The following CCDC38 variants were observed in gnomAD, a reference collection of about 807,000 sequenced individuals.
CCDC38 encodes coiled-coil domain-containing protein 38.
A neutral mutation model predicts 72.8 loss-of-function variants in CCDC38; 69 were observed. The ratio of observed to expected loss-of-function variants is 0.95; its 90% confidence interval spans 0.78 to 1.16. The LOEUF is 1.16. Among genes scored for constraint, CCDC38 ranks in the 50% most tolerant of loss-of-function variants. The pLI is 0.00. For missense variants in CCDC38, 626 were observed against 638.9 expected (o/e 0.98, Z 0.22); for synonymous variants, 201 against 213.2 (o/e 0.94, Z 0.50).
intron 13 of CCDC38, among the ~76,000 whole-genome samples, chr12:95,877,432 G>C (rs963541477): frequency 2.0e-5 from 3 of 152,130 alleles, no homozygotes; most frequent in Admixed American, 6.6e-5. Context: ...CAGTTCATCT[G>C]CATCTCGTTA....
At chr12:95,930,252 G>T (rs1455501927) in intron 2 of CCDC38, among the ~76,000 whole-genome samples, 1 of 152,132 alleles carries the variant, frequency 6.6e-6, no homozygotes, top group Non-Finnish European at 1.5e-5. Flanking sequence ...TAGGACTAGG[G>T]CTGCTGTAGC....
At chr12:95,888,972 T>C (rs76979553) in intron 9 of CCDC38, 114 of 171,964 alleles carry the variant, frequency 6.6e-4, no homozygotes, top group Non-Finnish European at 1.3e-3. Context: ...GGAAAAAAAA[T>C]GGATGAAGAA....
At chr12:95,938,711 G>A (rs371692142) in intron 1 of CCDC38, among the ~76,000 whole-genome samples, 128 of 152,336 alleles carry the variant, frequency 8.4e-4, no homozygotes, top group African/African-American at 2.3e-3. Context: ...GAGAGGAACA[G>A]AACCAGTTAT....
intron 4 of CCDC38, among the ~76,000 whole-genome samples, chr12:95,914,636 G>A (rs777374496): frequency 4.6e-5 from 7 of 152,028 alleles, no homozygotes; most frequent in African/African-American, 9.7e-5. Context: ...CCTTAGTGTC[G>A]TTTTACACAC....
rs879617928 is a variant in CCDC38 at position 95,917,217 on chromosome 12, C to T, written c.216G>A (p.Leu72=). The change falls in exon 4 of 16, where the codon CTG becomes CTA. Residue 72 remains leucine, a synonymous_variant. Transcript: ENST00000344280. ...TTTTAGGGTAGAAAGCTAGTTGGCT[C>T]AGGTATGAATGACTCTTCATTCTGG... The part of the protein sequence containing the change: ...FSSRMKSHSY[L]SQLAFYPKRS... 6.2e-7 allele frequency: 1 copy of T among 1,610,414 alleles called. No individual in the cohort carries two copies. The highest frequency in any genetic ancestry group is 8.5e-7 in the Non-Finnish European group (1 of 1,179,310).
chr12:95,931,102 C>T (rs187170045), intron 2 of CCDC38, among the ~76,000 whole-genome samples: 13 of 152,240 alleles, frequency 8.5e-5, no homozygotes, highest in Non-Finnish European at 1.2e-4. Context: ...TTCTGGAGGC[C>T]AGAAGTCTGA....
chr12:95,939,132 G>A (rs960127102), intron 1 of CCDC38, among the ~76,000 whole-genome samples: 15 of 152,178 alleles, frequency 9.9e-5, no homozygotes, highest in Non-Finnish European at 1.9e-4. Flanking sequence ...AAGTTACCAC[G>A]TCCAGCCTTT....
At chr12:95,895,984 A>G (rs1054298015) in intron 7 of CCDC38, among the ~76,000 whole-genome samples, 1 of 140,220 alleles carries the variant, frequency 7.1e-6, no homozygotes, top group Non-Finnish European at 1.5e-5. Context: ...TGAACCTGGG[A>G]GGTAGAGGTT....
chr12:95,920,854 G>C (rs539401041), intron 2 of CCDC38, among the ~76,000 whole-genome samples: 1 of 152,112 alleles, frequency 6.6e-6, no homozygotes, highest in South Asian at 2.1e-4. Context: ...AGAGGGCCGG[G>C]CGCAGTGGTC....
rs1250982343 is a variant in CCDC38 at position 95,890,947 on chromosome 12, A to G, written c.773-17T>C. The G allele has an allele frequency of 5.0e-6, 7 of 1,393,020 alleles. No individual in the cohort carries two copies. Among genetic ancestry groups the G allele is most frequent in the Admixed American group, 3.4e-5 (2 of 58,876 alleles). The allele number at this position is 1,393,020 out of a possible 1,614,324, so 86.3% of individuals were successfully genotyped here. A position where few individuals can be genotyped will look rare whatever the true frequency, so the allele number is the denominator to read the frequency against. On this transcript the variant is annotated splice_polypyrimidine_tract_variant and intron_variant, in intron 8 of 15. Coordinates refer to ENST00000344280, the MANE Select transcript of CCDC38 (RefSeq NM_182496.3). ...ATGATAATTCTAGAAATGGCAAATG[A>G]AGAGGAGAGAGACAGAGAAAGATGG...
chr12:95,940,476 C>A (rs544251196), intron 1 of CCDC38, among the ~76,000 whole-genome samples: 1 of 152,128 alleles, frequency 6.6e-6, no homozygotes, highest in Non-Finnish European at 1.5e-5. Context: ...CCAATGAAAA[C>A]GAATTTCCAG....
chr12:95,929,291 G>C (rs911108631), intron 2 of CCDC38, among the ~76,000 whole-genome samples: 4 of 152,170 alleles, frequency 2.6e-5, no homozygotes, highest in African/African-American at 7.2e-5. Context: ...GGGTGGGAGT[G>C]ACCCGATTTT....
At chr12:95,931,965 C>T (rs1171078809) in intron 2 of CCDC38, among the ~76,000 whole-genome samples, 2 of 152,026 alleles carry the variant, frequency 1.3e-5, no homozygotes, top group South Asian at 2.1e-4. Flanking sequence ...GCAGGATCAT[C>T]TCTTGTGTGT....
intron 5 of CCDC38, among the ~76,000 whole-genome samples, chr12:95,901,804 A>T (rs959815633): frequency 6.6e-6 from 1 of 152,240 alleles, no homozygotes; most frequent in African/African-American, 2.4e-5. Flanking sequence ...TTGGTGAATG[A>T]TAAGGACAAA....
intron 4 of CCDC38, among the ~76,000 whole-genome samples, chr12:95,908,336 CCTGCAATCGCAGGCACTCGGCAGG>C (rs1354248702): frequency 6.7e-6 from 1 of 149,466 alleles, no homozygotes; most frequent in Non-Finnish European, 1.5e-5. Flanking sequence ...GCGGCGCGCG[CCTGCAATCGCAGGCACTCGGCAGG>C]CTGAGGCAGG....
chr12:95,928,245 T>C lies in CCDC38; in HGVS notation c.37+8228A>G, dbSNP rs2080295115. ...TGGAGGCTTTGCTCGTTTCTTTTTGTTCTTTTTTCTCTAAACCTCCCTTCT... is the reference window on the plus strand; with the variant it reads ...TGGAGGCTTTGCTCGTTTCTTTTTGCTCTTTTTTCTCTAAACCTCCCTTCT... On this transcript the variant is annotated intron_variant, in intron 2 of 15. Transcript: ENST00000344280. Among the ~76,000 whole-genome samples, 21 of 152,294 alleles carry C rather than the reference T, an allele frequency of 1.4e-4. 1 individual carries two copies. The South Asian group carries it at 4.2e-3, about 30-fold the overall frequency.
chr12:95,884,921 C>A (rs2079740945), intron 10 of CCDC38, among the ~76,000 whole-genome samples: 1 of 152,200 alleles, frequency 6.6e-6, no homozygotes, highest in South Asian at 2.1e-4. Context: ...GTTAGGACTT[C>A]TACATATCTT....
At chr12:95,897,831 A>G (rs2079906975) in intron 7 of CCDC38, among the ~76,000 whole-genome samples, 1 of 152,072 alleles carries the variant, frequency 6.6e-6, no homozygotes, top group Admixed American at 6.6e-5. Context: ...CCTGGGCTCA[A>G]GCGATCCTCC....
Position 95,917,306 on chromosome 12 carries a change from G to T in CCDC38, c.139-12C>A, listed in dbSNP as rs1427180471. The T allele has an allele frequency of 6.4e-7, 1 of 1,571,848 alleles. No homozygotes were observed. The highest frequency in any genetic ancestry group is 8.6e-7 in the Non-Finnish European group (1 of 1,167,990). On this transcript the variant is annotated splice_polypyrimidine_tract_variant and intron_variant, in intron 3 of 15. Coordinates refer to ENST00000344280, the MANE Select transcript of CCDC38 (RefSeq NM_182496.3). ...TTCATAAATTTTTCCTGCCCAAGTG[G>T]AAAAGTTGAAAAGAATTTTTAATAT...
Sources: allele counts gnomAD v4.1 joint callset (sites outside exome capture counted in the v4.1 genomes callset), GRCh38; gene constraint gnomAD v4.1.1; transcripts MANE v1.5; gene names NCBI Gene and HGNC (gene_info 2026-07-23, HGNC 2026-07-21).